ILRUN: variants seen among roughly 807,000 people sequenced by gnomAD.
ILRUN encodes the protein inflammation and lipid regulator with UBA-like and NBR1-like domains, also known as protein ILRUN.
Under a neutral mutation model 33.8 loss-of-function variants are expected in ILRUN, and 3 were observed. That is an observed-to-expected ratio of 0.09 (90% CI 0.04 to 0.23). The LOEUF is 0.23. Among genes scored for constraint, ILRUN ranks in the 10% least tolerant of loss-of-function variants. The pLI, the probability that ILRUN is intolerant of heterozygous loss-of-function variation, is 1.00. For synonymous variants in ILRUN, 124 were observed against 138.9 expected (o/e 0.89, Z 0.75); for missense variants, 210 against 375.1 (o/e 0.56, Z 3.64).
In ILRUN at chr6:34,646,584, C is replaced by T; in HGVS notation, c.511+17G>A. 1 of 1,612,534 alleles carries T rather than the reference C, an allele frequency of 6.2e-7. No individual in the cohort carries two copies. Among genetic ancestry groups the T allele is most frequent in the East Asian group, 2.2e-5 (1 of 44,836 alleles). On this transcript the variant is annotated intron_variant, in intron 3 of 4. Transcript: ENST00000374023. The surrounding 1 kb of genome is among the most constrained non-coding windows in gnomAD (Gnocchi z 4.9). ...ACCTTAGTTCCTTTACCCTGGGCTGCACAAGGACATACTCACCTCCATAGT... is the reference window on the plus strand; with the variant it reads ...ACCTTAGTTCCTTTACCCTGGGCTGTACAAGGACATACTCACCTCCATAGT...
intron 3 of ILRUN, among the ~76,000 whole-genome samples, chr6:34,632,530 ATTTC>A (rs1476548561): frequency 6.7e-6 from 1 of 148,866 alleles, no homozygotes; most frequent in Admixed American, 6.7e-5. Context: ...TAAATCATGT[ATTTC>A]TTTTTATCAG....
chr6:34,595,390 C>T (rs1490672071), intron 4 of ILRUN, among the ~76,000 whole-genome samples: 1 of 152,210 alleles, frequency 6.6e-6, no homozygotes, highest in Non-Finnish European at 1.5e-5. Flanking sequence ...GGCAATCATT[C>T]CATTTCAGTT....
intron 1 of ILRUN, among the ~76,000 whole-genome samples, chr6:34,662,282 G>T (rs936640499): frequency 2.7e-5 from 4 of 150,008 alleles, no homozygotes; most frequent in African/African-American, 9.8e-5. Flanking sequence ...CTCCAGCCTG[G>T]GTGACAGAGC....
intron 4 of ILRUN, among the ~76,000 whole-genome samples, chr6:34,597,958 T>C (rs998064025): frequency 6.6e-6 from 1 of 152,214 alleles, no homozygotes; most frequent in African/African-American, 2.4e-5. Flanking sequence ...CAAGTCTTAC[T>C]GCTTTGGCCG....
In ILRUN at chr6:34,667,977, C is replaced by T. The variant is rs745402809; in HGVS notation, c.159-13198G>A. Among the ~76,000 whole-genome samples, 56 of 152,250 alleles carry T rather than the reference C, an allele frequency of 3.7e-4. 1 individual carries two copies. Among genetic ancestry groups the T allele is most frequent in the Non-Finnish European group, 6.8e-4 (46 of 68,006 alleles). Reference sequence around the variant, plus strand: ...GAGATGGGCTATATATTAGATAATACTTTTGTTTCCATGTTAAATTCCTTC... The same window carrying T: ...GAGATGGGCTATATATTAGATAATATTTTTGTTTCCATGTTAAATTCCTTC... On this transcript the variant is annotated intron_variant, in intron 1 of 4. Transcript: ENST00000374023.
Position 34,606,719 on chromosome 6 carries a change from A to G in ILRUN, c.697T>C (p.Ser233Pro), listed in dbSNP as rs1453177259. 5 of 1,614,040 alleles carry G rather than the reference A, an allele frequency of 3.1e-6. No individual in the cohort carries two copies. In the Admixed American group the frequency reaches 5.0e-5, roughly 16 times the overall value. Residue 233 changes from serine to proline, a missense_variant, in exon 4 of 5, where the codon TCC becomes CCC. By Grantham distance (74) the Ser-to-Pro change is moderately conservative (BLOSUM62 -1). Transcript: ENST00000374023. ...TTTTTGCTGATCGAGTCGAACTCGG[A>G]GCCCCCAGGGTCTTTTAAGTTGTTT... The part of the protein sequence containing the change: ...DENNLKDPGG[S>P]EFDSISKNTW...
chr6:34,653,132 CAA>C (rs947213125), intron 2 of ILRUN, among the ~76,000 whole-genome samples: 6 of 51,570 alleles, frequency 1.2e-4, no homozygotes, highest in East Asian at 6.2e-4. Context: ...GACCTTGTCT[CAA>C]AAAAAAAAAA....
chr6:34,614,441 A>ATATATATATATAT (rs1210392851), intron 3 of ILRUN, among the ~76,000 whole-genome samples: 2 of 112,028 alleles, frequency 1.8e-5, no homozygotes, highest in African/African-American at 8.6e-5. Context: ...TAAAAAAAAA[A>ATATATATATATAT]AAATATATAT....
chr6:34,658,064 T>C (rs1343362398), intron 1 of ILRUN, among the ~76,000 whole-genome samples: 1 of 152,204 alleles, frequency 6.6e-6, no homozygotes, highest in Non-Finnish European at 1.5e-5. Flanking sequence ...AGATGGATGC[T>C]GGTGCTGGAT....
rs558075948 is a variant in ILRUN at position 34,651,473 on chromosome 6, T to C, written c.313+3152A>G. On this transcript the variant is annotated intron_variant, in intron 2 of 4. Coordinates refer to ENST00000374023, the MANE Select transcript of ILRUN (RefSeq NM_024294.4). Reference sequence around the variant, plus strand: ...CATACCAACCTCCCAAAGCTCCCCATTAACCCAAGTAACAGTCTAGTAAGT... The same window carrying C: ...CATACCAACCTCCCAAAGCTCCCCACTAACCCAAGTAACAGTCTAGTAAGT... Among the ~76,000 whole-genome samples, 28 of 152,188 alleles carry C rather than the reference T, an allele frequency of 1.8e-4. No homozygotes were observed. In the South Asian group the frequency reaches 5.8e-3, roughly 32 times the overall value.
In ILRUN at chr6:34,626,656, CTA is replaced by C. The variant is rs572626497; in HGVS notation, c.512-19754_512-19753del. 1.2e-3 allele frequency among the ~76,000 whole-genome samples: 184 copies of C among 152,310 alleles called. No homozygotes were observed. The Middle Eastern group carries it at 0.014, about 11-fold the overall frequency. On this transcript the variant is annotated intron_variant, in intron 3 of 4. Transcript: ENST00000374023. ...TCAATAGTTTATGTTAGGATTCACT[CTA>C]TGTCGTACATTCTACGGGTTTGGAC...
intron 3 of ILRUN, among the ~76,000 whole-genome samples, chr6:34,628,392 C>T (rs1321508723): frequency 6.6e-6 from 1 of 151,854 alleles, no homozygotes; most frequent in African/African-American, 2.4e-5. Context: ...GGCATGATCT[C>T]GGCTCACTGC....
chr6:34,661,943 G>C (rs1457902436), intron 1 of ILRUN, among the ~76,000 whole-genome samples: 1 of 151,980 alleles, frequency 6.6e-6, no homozygotes, highest in African/African-American at 2.4e-5. Flanking sequence ...GGCTAAAACA[G>C]TGAAACCCCG....
At chr6:34,669,289 A>ATTTT (rs35216384) in intron 1 of ILRUN, among the ~76,000 whole-genome samples, 6 of 118,452 alleles carry the variant, frequency 5.1e-5, no homozygotes, top group African/African-American at 9.7e-5. Flanking sequence ...ACACCCAGCT[A>ATTTT]TTTTTTTTTT....
intron 4 of ILRUN, chr6:34,595,819 T>C: frequency 2.0e-6 from 2 of 985,424 alleles, no homozygotes; most frequent in Non-Finnish European, 2.4e-6. Flanking sequence ...TGAGAAATAA[T>C]ATGCTCTCTT....
chr6:34,667,282 T>C (rs972896589), intron 1 of ILRUN, among the ~76,000 whole-genome samples: 11 of 152,188 alleles, frequency 7.2e-5, no homozygotes, highest in East Asian at 3.8e-4. Flanking sequence ...CCTGTATGGC[T>C]GAAGGTAAGG....
At chr6:34,611,474 G>A (rs1177044104) in intron 3 of ILRUN, among the ~76,000 whole-genome samples, 1 of 152,024 alleles carries the variant, frequency 6.6e-6, no homozygotes, top group Non-Finnish European at 1.5e-5. Context: ...CAACTTCTAC[G>A]TGGTACAATC....
rs749306924 is a variant in ILRUN, at chr6:34,606,542, C to T, written c.861+13G>A. On this transcript the variant is annotated intron_variant, in intron 4 of 4. Transcript: ENST00000374023. ...CCCACCACCTACCCCTTCTCTTCTCCAAGGGCACCTACCTTACTGTAAGTC... is the reference window on the plus strand; with the variant it reads ...CCCACCACCTACCCCTTCTCTTCTCTAAGGGCACCTACCTTACTGTAAGTC... 1 of 1,605,724 alleles carries T rather than the reference C, an allele frequency of 6.2e-7. No individual in the cohort carries two copies. Among genetic ancestry groups the T allele is most frequent in the Non-Finnish European group, 8.5e-7 (1 of 1,174,450 alleles).
chr6:34,594,157 T>G (rs1309679202), intron 4 of ILRUN, among the ~76,000 whole-genome samples: 1 of 152,170 alleles, frequency 6.6e-6, no homozygotes, highest in Non-Finnish European at 1.5e-5. Flanking sequence ...TGCCAAATAT[T>G]TTAGCTAACC....
Sources: gnomAD v4.1 joint callset for allele counts (sites outside exome capture counted in the v4.1 genomes callset) on GRCh38, gnomAD v4.1.1 for gene constraint, Gnocchi (gnomAD v3.1) non-coding constraint, MANE v1.5 for transcripts, NCBI Gene and HGNC (gene_info 2026-07-23, HGNC 2026-07-21) for gene names.